Variants in CNTNAP2 observed in about 807,000 individuals in gnomAD.
CNTNAP2 encodes the protein contactin-associated protein-like 2.
In CNTNAP2, 98 loss-of-function variants were observed where a neutral mutation model predicts 155.2. That is an observed-to-expected ratio of 0.63 (90% CI 0.54 to 0.75). CNTNAP2 has a LOEUF of 0.75. Ranked by LOEUF, CNTNAP2 falls within the 30% of genes least tolerant of loss-of-function variation. The pLI, the probability that CNTNAP2 is intolerant of heterozygous loss-of-function variation, is 0.00. For synonymous variants in CNTNAP2, 651 were observed against 631.2 expected, an observed-to-expected ratio of 1.03 and a Z score of -0.47; for missense variants, 1,727 against 1,688.1, an observed-to-expected ratio of 1.02 and a Z score of -0.40.
At chr7:147,513,386 T>G (rs553129378) in intron 11 of CNTNAP2, among the ~76,000 whole-genome samples, 2 of 152,288 alleles carry the variant, frequency 1.3e-5, no homozygotes, top group Admixed American at 1.3e-4. Context: ...TGCATGATAA[T>G]GTATTATGAA....
intron 22 of CNTNAP2, among the ~76,000 whole-genome samples, chr7:148,395,911 A>T (rs2116690138): frequency 6.6e-6 from 1 of 152,046 alleles, no homozygotes; most frequent in East Asian, 1.9e-4. Flanking sequence ...TTCATTCCTA[A>T]TTTTCCTCTA....
intron 8 of CNTNAP2, among the ~76,000 whole-genome samples, chr7:147,273,586 C>A (rs1004744894): frequency 6.6e-6 from 1 of 151,894 alleles, no homozygotes; most frequent in Admixed American, 6.6e-5. Flanking sequence ...GTTGAACTCT[C>A]ACTTATAAGT....
In CNTNAP2 at chr7:146,289,116, C is replaced by T. The variant is rs544980720; in HGVS notation, c.97+172143C>T. On this transcript the variant is annotated intron_variant, in intron 1 of 23. Coordinates refer to ENST00000361727, the MANE Select transcript of CNTNAP2 (RefSeq NM_014141.6). ...ACCGCGCCCTGGCAGATGAATACAT[C>T]TTATGCCATATGCCTGACCACTCCC... Among the ~76,000 whole-genome samples the T allele has an allele frequency of 7.2e-5, 11 of 152,212 alleles. No homozygotes were observed. The South Asian group carries it at 2.3e-3, about 32-fold the overall frequency.
chr7:146,664,438 G>T (rs917416013), intron 1 of CNTNAP2, among the ~76,000 whole-genome samples: 3 of 152,000 alleles, frequency 2.0e-5, no homozygotes, highest in Non-Finnish European at 2.9e-5. Flanking sequence ...TGGGATTACC[G>T]GCGTGACCCA....
chr7:147,922,423 C>T (rs974285429), intron 14 of CNTNAP2, among the ~76,000 whole-genome samples: 6 of 152,184 alleles, frequency 3.9e-5, no homozygotes, highest in Non-Finnish European at 7.4e-5. Context: ...GGCTTCACTC[C>T]CCCTCCTTTT....
chr7:146,166,255 G>T (rs1182022151), intron 1 of CNTNAP2, among the ~76,000 whole-genome samples: 1 of 151,976 alleles, frequency 6.6e-6, no homozygotes, highest in Admixed American at 6.6e-5. Context: ...CACCATGCCT[G>T]GGTACTTTTG....
chr7:146,999,995 A>G (rs77148695), intron 3 of CNTNAP2, among the ~76,000 whole-genome samples: 4,012 of 151,928 alleles, frequency 0.026, 90 homozygotes, highest in Middle Eastern at 0.044. Context: ...TTTGAATGCC[A>G]ATGATTATTA....
intron 15 of CNTNAP2, among the ~76,000 whole-genome samples, chr7:148,067,320 C>T (rs1803286077): frequency 1.3e-5 from 2 of 152,158 alleles, no homozygotes; most frequent in South Asian, 4.1e-4. Flanking sequence ...TCCCCCTTTC[C>T]CTAGGGATGG....
intron 1 of CNTNAP2, among the ~76,000 whole-genome samples, chr7:146,655,445 T>C (rs764214405): frequency 7.2e-6 from 1 of 138,396 alleles, no homozygotes; most frequent in Non-Finnish European, 1.6e-5. Flanking sequence ...GAAAGAAAAA[T>C]ATATCTTTAT....
chr7:147,675,767 T>C (rs1157827600), intron 13 of CNTNAP2, among the ~76,000 whole-genome samples: 1 of 152,036 alleles, frequency 6.6e-6, no homozygotes, highest in African/African-American at 2.4e-5. Flanking sequence ...GCATGTATTT[T>C]AGAGGGATTC....
intron 11 of CNTNAP2, among the ~76,000 whole-genome samples, chr7:147,495,125 A>G (rs1449283894): frequency 1.3e-5 from 2 of 152,190 alleles, no homozygotes; most frequent in African/African-American, 4.8e-5. Context: ...ATAAGAAGGT[A>G]ACATGTATTT....
chr7:148,025,815 T>G (rs938488147), intron 15 of CNTNAP2, among the ~76,000 whole-genome samples: 8 of 152,162 alleles, frequency 5.3e-5, no homozygotes, highest in Admixed American at 2.0e-4. Flanking sequence ...AATGAAAAAA[T>G]TATCCATAAT....
intron 15 of CNTNAP2, among the ~76,000 whole-genome samples, chr7:148,089,342 T>C (rs1182906909): frequency 2.0e-5 from 3 of 151,946 alleles, no homozygotes; most frequent in Non-Finnish European, 4.4e-5. Context: ...GGCATCCAAA[T>C]TGGAAAGGAA....
At chr7:147,794,647 T>C (rs1186153846) in intron 13 of CNTNAP2, among the ~76,000 whole-genome samples, 2 of 151,906 alleles carry the variant, frequency 1.3e-5, no homozygotes, top group Non-Finnish European at 2.9e-5. Flanking sequence ...AATAATAGCC[T>C]CATAGAATGA....
In CNTNAP2 at chr7:147,639,140, G is replaced by A. The variant is rs769678683; in HGVS notation, c.1932G>A (p.Leu644=). Residue 644 remains leucine, a synonymous_variant, in exon 13 of 24, where the codon TTG becomes TTA. Transcript: ENST00000361727. ...TGTGGACCATAGTGTCTCATGACTT[G>A]CAGATGCAGACGCCTGTGGTCGGCT... ...DKVWTIVSHD[L]QMQTPVVGYN... The A allele has an allele frequency of 1.2e-6, 2 of 1,614,114 alleles. No individual in the cohort carries two copies. The highest frequency in any genetic ancestry group is 2.2e-5 in the South Asian group (2 of 91,086).
At chr7:146,667,765 C>CT (rs1294577098) in intron 1 of CNTNAP2, among the ~76,000 whole-genome samples, 5 of 150,644 alleles carry the variant, frequency 3.3e-5, no homozygotes, top group East Asian at 2.0e-4. Context: ...TTCTTGATCT[C>CT]TTTTTTTTAG....
chr7:147,139,479 G>T (rs1369573973), intron 8 of CNTNAP2, among the ~76,000 whole-genome samples: 3 of 152,044 alleles, frequency 2.0e-5, no homozygotes, highest in Non-Finnish European at 4.4e-5. Flanking sequence ...AGCAGTCATT[G>T]GTTTGGAACC....
intron 2 of CNTNAP2, among the ~76,000 whole-genome samples, chr7:146,808,343 G>T (rs1803005017): frequency 6.6e-6 from 1 of 152,170 alleles, no homozygotes; most frequent in Non-Finnish European, 1.5e-5. Flanking sequence ...GCACTGTAGA[G>T]AATGTAAACT....
intron 1 of CNTNAP2, among the ~76,000 whole-genome samples, chr7:146,645,721 A>G (rs1799800304): frequency 6.6e-6 from 1 of 152,020 alleles, no homozygotes; most frequent in Non-Finnish European, 1.5e-5. Context: ...CCACAGAGTT[A>G]TATGTTCTTA....
Sources: allele counts gnomAD v4.1 joint callset (sites outside exome capture counted in the v4.1 genomes callset), GRCh38; gene constraint gnomAD v4.1.1; transcripts MANE v1.5; gene names NCBI Gene and HGNC (gene_info 2026-07-23, HGNC 2026-07-21).